SLC16A9: variants seen among roughly 807,000 people sequenced by gnomAD.
The protein encoded by SLC16A9 is monocarboxylate transporter 9.
In SLC16A9, 26 loss-of-function variants were observed where a neutral mutation model predicts 44.3. That is an observed-to-expected ratio of 0.59 (90% confidence interval 0.43 to 0.81). SLC16A9 has a LOEUF of 0.81. Among genes scored for constraint, SLC16A9 ranks in the 40% least tolerant of loss-of-function variants. SLC16A9 has a pLI of 0.00. For synonymous variants in SLC16A9, 230 were observed against 225.1 expected, an observed-to-expected ratio of 1.02 and a Z score of -0.19; for missense variants, 559 against 595.8, an observed-to-expected ratio of 0.94 and a Z score of 0.64.
At chr10:59,696,161 C>A (rs193166330) in intron 1 of SLC16A9, among the ~76,000 whole-genome samples, 2 of 152,196 alleles carry the variant, frequency 1.3e-5, no homozygotes, top group African/African-American at 4.8e-5. Flanking sequence ...CCAGCCGAAG[C>A]TGGACTGTGC....
rs748505628 is a variant in SLC16A9 at position 59,653,757 on chromosome 10, C to T, written c.1269G>A (p.Val423=). Reference sequence around the variant, plus strand: ...AGGCATGGGCTAATTTTTCAATTCCCACAGTCTTCGTGGTCACATATGGAA... The same window carrying T: ...AGGCATGGGCTAATTTTTCAATTCCTACAGTCTTCGTGGTCACATATGGAA... The part of the protein sequence containing the change: ...SIFPYVTTKT[V]GIEKLAHAYG... The change falls in exon 5 of 6, where the codon GTG becomes GTA. Residue 423 remains valine (V), a synonymous_variant. Coordinates refer to ENST00000395348, the MANE Select transcript of SLC16A9 (RefSeq NM_194298.3). The T allele has an allele frequency of 3.7e-6, 6 of 1,614,092 alleles. No homozygotes were observed. The highest frequency in any genetic ancestry group is 5.1e-6 in the Non-Finnish European group (6 of 1,180,024).
intron 2 of SLC16A9, among the ~76,000 whole-genome samples, chr10:59,683,316 G>T (rs1362921969): frequency 1.3e-5 from 2 of 152,142 alleles, no homozygotes; most frequent in African/African-American, 4.8e-5. Context: ...TATGACTCTA[G>T]AAGTTCAAGT....
intron 3 of SLC16A9, among the ~76,000 whole-genome samples, chr10:59,670,349 T>C (rs1588971354): frequency 1.3e-5 from 2 of 152,320 alleles, no homozygotes; most frequent in East Asian, 1.9e-4. Flanking sequence ...CAAATGATAA[T>C]GGTTTATGCT....
intron 2 of SLC16A9, among the ~76,000 whole-genome samples, chr10:59,681,229 T>C (rs957459325): frequency 6.6e-6 from 1 of 151,968 alleles, no homozygotes; most frequent in African/African-American, 2.4e-5. Context: ...GTCATAAAGC[T>C]GATGGTCAGT....
In SLC16A9 at chr10:59,684,944, A is replaced by G. The variant is rs59855181; in HGVS notation, c.-36-617T>C. 4.3e-3 allele frequency among the ~76,000 whole-genome samples: 652 copies of G among 152,266 alleles called. 5 individuals are homozygous for G. The highest frequency in any genetic ancestry group is 0.015 in the African/African-American group (622 of 41,550). On this transcript the variant is annotated intron_variant, in intron 1 of 5. Coordinates refer to ENST00000395348, the MANE Select transcript of SLC16A9 (RefSeq NM_194298.3). ...GAGGCGGCTCCCTTCAAAGGAGGCA[A>G]TCTATCCCCATAAGGGCTGGCAGCA...
intron 2 of SLC16A9, among the ~76,000 whole-genome samples, chr10:59,680,020 G>C (rs1302535112): frequency 6.6e-6 from 1 of 151,968 alleles, no homozygotes; most frequent in Non-Finnish European, 1.5e-5. Flanking sequence ...TCTTCCCTGA[G>C]ACTACAAACC....
At chr10:59,697,962 T>TAAAAAAAAAAAA (rs34931109) in intron 1 of SLC16A9, among the ~76,000 whole-genome samples, 14 of 135,916 alleles carry the variant, frequency 1.0e-4, no homozygotes, top group South Asian at 2.3e-4. Flanking sequence ...GGGCACACAG[T>TAAAAAAAAAAAA]AAAAAAAAAA....
chr10:59,653,652 T>A (rs1266926019), intron 5 of SLC16A9, 23 bp downstream of exon 5: 4 of 1,585,500 alleles, frequency 2.5e-6, no homozygotes, highest in Non-Finnish European at 3.4e-6. Context: ...TAAAATGGGA[T>A]GATTTTAAGA....
At chr10:59,680,366 G>T (rs140309176) in intron 2 of SLC16A9, among the ~76,000 whole-genome samples, 1 of 152,144 alleles carries the variant, frequency 6.6e-6, no homozygotes, top group Non-Finnish European at 1.5e-5. Flanking sequence ...CCAGGAGTAG[G>T]ACTTTATGTT....
chr10:59,696,488 C>A (rs982519474), intron 1 of SLC16A9, among the ~76,000 whole-genome samples: 5 of 152,184 alleles, frequency 3.3e-5, no homozygotes, highest in South Asian at 2.1e-4. Context: ...CCTTGGCCCC[C>A]CAAAGTGCCG....
intron 1 of SLC16A9, among the ~76,000 whole-genome samples, chr10:59,696,109 C>A (rs891406256): frequency 1.3e-5 from 2 of 152,002 alleles, no homozygotes; most frequent in Non-Finnish European, 2.9e-5. Flanking sequence ...CGTCTCCCCA[C>A]GGTCTCCCTC....
At chr10:59,662,569 G>A (rs1250407549) in intron 4 of SLC16A9, among the ~76,000 whole-genome samples, 1 of 142,034 alleles carries the variant, frequency 7.0e-6, no homozygotes, top group Admixed American at 7.6e-5. Context: ...GGAAGGTGGA[G>A]GTTGCAGTGA....
chr10:59,660,276 G>A (rs368209677), intron 4 of SLC16A9, among the ~76,000 whole-genome samples: 1 of 152,114 alleles, frequency 6.6e-6, no homozygotes, highest in African/African-American at 2.4e-5. Flanking sequence ...AGTAAGAAAA[G>A]AGAGAAGAAT....
chr10:59,662,633 C>CA (rs71006278), intron 4 of SLC16A9, among the ~76,000 whole-genome samples: 3,558 of 43,650 alleles, frequency 0.082, 257 homozygotes, highest in African/African-American at 0.14. Context: ...AACTCCATCT[C>CA]AAAAAAAAAA....
rs868704286 is a variant in SLC16A9 at position 59,654,150 on chromosome 10, G to A, written c.876C>T (p.Asn292=). Residue 292 remains asparagine, a synonymous_variant, in exon 5 of 6, where the codon AAC becomes AAT. Coordinates refer to ENST00000395348, the MANE Select transcript of SLC16A9 (RefSeq NM_194298.3). Reference sequence around the variant, plus strand: ...AAAGAGCCACAGTTTCACCACAGTAGTTTTTATATAACTGCCACTTCCTCT... The same window carrying A: ...AAAGAGCCACAGTTTCACCACAGTAATTTTTATATAACTGCCACTTCCTCT... ...LAKRKWQLYK[N]YCGETVALFK... 1.9e-6 allele frequency: 3 copies of A among 1,614,080 alleles called. No individual in the cohort carries two copies. The highest frequency in any genetic ancestry group is 3.3e-4 in the Middle Eastern group (2 of 6,062).
intron 2 of SLC16A9, among the ~76,000 whole-genome samples, chr10:59,678,554 T>TTTTTTTTTTTTTTTTTTTTTTTTGAAG: frequency 1.5e-5 from 1 of 68,890 alleles, no homozygotes; most frequent in East Asian, 4.1e-4. Context: ...TTCTTTTTTT[T>TTTTTTTTTTTTTTTTTTTTTTTTGAAG]GAGACGGAGT....
rs1001924278 is a variant in SLC16A9 at position 59,695,333 on chromosome 10, T to C, written c.-36-11006A>G. ...TATGTAATTTATAATTTAATAAATC[T>C]GTTACCAAAAAAATTAATGTAAACC... On this transcript the variant is annotated intron_variant, in intron 1 of 5. Transcript: ENST00000395348. Among the ~76,000 whole-genome samples, 6 of 152,206 alleles carry C rather than the reference T, an allele frequency of 3.9e-5. No homozygotes were observed. The East Asian group carries it at 1.2e-3, about 29-fold the overall frequency.
intron 2 of SLC16A9, among the ~76,000 whole-genome samples, chr10:59,680,288 AT>A (rs1209547213): frequency 2.0e-5 from 3 of 152,312 alleles, no homozygotes; most frequent in Non-Finnish European, 4.4e-5. Context: ...AAAGTCCAGA[AT>A]TTCATGTCTT....
chr10:59,667,938 G>C (rs1839658043), intron 3 of SLC16A9, among the ~76,000 whole-genome samples: 1 of 151,924 alleles, frequency 6.6e-6, no homozygotes, highest in Non-Finnish European at 1.5e-5. Flanking sequence ...ACACACTGGA[G>C]ACACAACTTC....
Sources: gnomAD v4.1 joint callset for allele counts (sites outside exome capture counted in the v4.1 genomes callset) on GRCh38, gnomAD v4.1.1 for gene constraint, MANE v1.5 for transcripts, NCBI Gene and HGNC (gene_info 2026-07-23, HGNC 2026-07-21) for gene names.